DEUP1: variants seen among roughly 807,000 people sequenced by gnomAD.
The protein encoded by DEUP1 is deuterosome assembly protein 1, also known as coiled-coil domain containing 67.
DEUP1 carries 82 observed loss-of-function variants against 87.4 expected under a neutral mutation model. The ratio of observed to expected loss-of-function variants is 0.94; its 90% CI spans 0.78 to 1.13. DEUP1 has a LOEUF of 1.13. Among genes scored for constraint, DEUP1 ranks in the 50% most tolerant of loss-of-function variants. The pLI is 0.00. For missense variants in DEUP1, 663 were observed against 681.5 expected, an observed-to-expected ratio of 0.97 and a Z score of 0.30; for synonymous variants, 214 against 222.7, an observed-to-expected ratio of 0.96 and a Z score of 0.35.
intron 7 of DEUP1, among the ~76,000 whole-genome samples, chr11:93,378,613 C>T (rs765309338): frequency 3.9e-5 from 6 of 152,122 alleles, no homozygotes; most frequent in East Asian, 3.9e-4. Flanking sequence ...CCATTGCTGG[C>T]GAGCTAGTGT....
chr11:93,347,393 T>C (rs1246586738), intron 2 of DEUP1, among the ~76,000 whole-genome samples: 3 of 152,222 alleles, frequency 2.0e-5, no homozygotes, highest in South Asian at 2.1e-4. Context: ...GATAAGTTTT[T>C]GATGCGCTGC....
At chr11:93,370,808 TCTCTA>T (rs1414470550) in intron 6 of DEUP1, among the ~76,000 whole-genome samples, 1 of 152,182 alleles carries the variant, frequency 6.6e-6, no homozygotes, top group African/African-American at 2.4e-5. Context: ...CTAACCTCCT[TCTCTA>T]CTCTACATCT....
At chr11:93,428,556 T>G (rs1045823653) in intron 13 of DEUP1, among the ~76,000 whole-genome samples, 1 of 152,150 alleles carries the variant, frequency 6.6e-6, no homozygotes, top group South Asian at 2.1e-4. Flanking sequence ...GTAACAAACC[T>G]GCACATTGTG....
intron 2 of DEUP1, among the ~76,000 whole-genome samples, chr11:93,334,177 A>AC (rs1943634469): frequency 6.6e-6 from 1 of 150,622 alleles, no homozygotes; most frequent in Non-Finnish European, 1.5e-5. Context: ...AAGCATGGAG[A>AC]CCCCAGGTTG....
chr11:93,431,586 T>C (rs896289043), intron 13 of DEUP1, among the ~76,000 whole-genome samples: 1 of 152,226 alleles, frequency 6.6e-6, no homozygotes, highest in Non-Finnish European at 1.5e-5. Context: ...TAAACAGATA[T>C]GTTTAAAATT....
chr11:93,332,550 G>A lies in DEUP1; in HGVS notation c.29+262G>A, dbSNP rs373698486. On this transcript the variant is annotated intron_variant, in intron 2 of 13. Transcript: ENST00000298050. Reference sequence around the variant, plus strand: ...TCCAATATCTAAGGGTGGTGGATGCGGAGGCAGGCCTCGTGTGCTCTTCTG... The same window carrying A: ...TCCAATATCTAAGGGTGGTGGATGCAGAGGCAGGCCTCGTGTGCTCTTCTG... Among the ~76,000 whole-genome samples the A allele has an allele frequency of 8.5e-5, 13 of 152,206 alleles. No homozygotes were observed. The South Asian group carries it at 1.0e-3, about 12-fold the overall frequency.
In DEUP1 at chr11:93,371,286, GATTA is replaced by G. The variant is rs1945711498; in HGVS notation, c.789+10_789+13del. The stretch of plus-strand genomic sequence containing the variant: ...TGTACCAAAGACAGTGCCAGGTGAA[GATTA>G]ATTTTTTTTCAACTAATATTGTCCA... On this transcript the variant is annotated splice_region_variant and intron_variant, in intron 7 of 13. Transcript: ENST00000298050. 6.2e-7 allele frequency: 1 copy of G among 1,606,292 alleles called. No individual in the cohort carries two copies. Among genetic ancestry groups the G allele is most frequent in the Non-Finnish European group, 8.5e-7 (1 of 1,176,924 alleles).
intron 2 of DEUP1, among the ~76,000 whole-genome samples, chr11:93,351,474 A>G (rs368731887): frequency 6.6e-6 from 1 of 152,194 alleles, no homozygotes; most frequent in East Asian, 1.9e-4. Context: ...TAGAGCTTAC[A>G]TTGACATAGT....
chr11:93,376,875 C>T (rs1946065967), intron 7 of DEUP1, among the ~76,000 whole-genome samples: 1 of 152,132 alleles, frequency 6.6e-6, no homozygotes, highest in Non-Finnish European at 1.5e-5. Flanking sequence ...TCATTGTTGA[C>T]CCAATGATCA....
intron 9 of DEUP1, 22 bp from the exon 10 acceptor site, chr11:93,394,437 T>C: frequency 6.7e-7 from 1 of 1,498,040 alleles, no homozygotes; most frequent in Non-Finnish European, 8.9e-7. Flanking sequence ...TCAATAATAT[T>C]TCCAGTCTCT....
intron 9 of DEUP1, among the ~76,000 whole-genome samples, chr11:93,390,985 G>A (rs1221517149): frequency 6.6e-6 from 1 of 151,986 alleles, no homozygotes; most frequent in East Asian, 1.9e-4. Flanking sequence ...AGGAGGCTGA[G>A]GCAGGAGAAT....
rs574101334 is a variant in DEUP1 at position 93,418,536 on chromosome 11, G to T, written c.1638+3422G>T. ...TCATTAAAAAGTCAGGAAACAACAG[G>T]TGCTGGAGAGGATATGGAGAAATAG... On this transcript the variant is annotated intron_variant, in intron 13 of 13. Transcript: ENST00000298050. Among the ~76,000 whole-genome samples, 109 of 151,724 alleles carry T rather than the reference G, an allele frequency of 7.2e-4. 1 individual carries two copies. The South Asian group carries it at 0.016, about 23-fold the overall frequency.
intron 2 of DEUP1, among the ~76,000 whole-genome samples, chr11:93,340,102 TAC>T (rs1943984030): frequency 6.6e-6 from 1 of 152,310 alleles, no homozygotes; most frequent in South Asian, 2.1e-4. Flanking sequence ...CATTGGAGCT[TAC>T]AGTCTAGTGG....
At chr11:93,365,620 G>A (rs1945376358) in intron 5 of DEUP1, among the ~76,000 whole-genome samples, 1 of 152,132 alleles carries the variant, frequency 6.6e-6, no homozygotes, top group Non-Finnish European at 1.5e-5. Context: ...AGTACTTTGT[G>A]TATGCACATT....
intron 13 of DEUP1, among the ~76,000 whole-genome samples, chr11:93,428,189 C>G (rs1317235106): frequency 6.6e-6 from 1 of 152,012 alleles, no homozygotes; most frequent in Non-Finnish European, 1.5e-5. Context: ...AGACTTGGAA[C>G]CAACCCAAAT....
intron 8 of DEUP1, among the ~76,000 whole-genome samples, chr11:93,388,136 A>G (rs919845213): frequency 1.3e-5 from 2 of 152,110 alleles, no homozygotes; most frequent in Non-Finnish European, 2.9e-5. Flanking sequence ...CAGATCCTCT[A>G]TTTTCAATCT....
chr11:93,353,024 C>G (rs1322376990), intron 2 of DEUP1, among the ~76,000 whole-genome samples: 1 of 152,130 alleles, frequency 6.6e-6, no homozygotes, highest in Non-Finnish European at 1.5e-5. Flanking sequence ...TAACTCATTA[C>G]AGCATTAACC....
intron 4 of DEUP1, 119 bp from the exon 5 acceptor site, chr11:93,364,041 T>G: frequency 1.4e-6 from 1 of 705,434 alleles, no homozygotes; most frequent in Non-Finnish European, 2.3e-6. Flanking sequence ...CATTTAAGCT[T>G]TACTGCACTT....
intron 12 of DEUP1, among the ~76,000 whole-genome samples, chr11:93,414,212 G>C (rs540426898): frequency 2.0e-5 from 3 of 152,202 alleles, no homozygotes; most frequent in East Asian, 3.9e-4. Context: ...AGAAATTAGA[G>C]TTATTCAAAG....
Sources: gnomAD v4.1 joint callset for allele counts (sites outside exome capture counted in the v4.1 genomes callset) on GRCh38, gnomAD v4.1.1 for gene constraint, MANE v1.5 for transcripts, NCBI Gene and HGNC (gene_info 2026-07-23, HGNC 2026-07-21) for gene names.